CABYR: variants seen among roughly 807,000 people sequenced by gnomAD.
The protein encoded by CABYR is calcium-binding tyrosine phosphorylation-regulated protein.
Under a neutral mutation model 36.1 loss-of-function variants are expected in CABYR, and 31 were observed. The observed-to-expected ratio is 0.86, with a 90% CI of 0.64 to 1.16. The LOEUF (loss-of-function observed/expected upper bound fraction) is 1.16, where lower values mean the gene tolerates loss of function less well. Ranked by LOEUF, CABYR falls within the 50% of genes most tolerant of loss-of-function variation. The probability of loss-of-function intolerance (pLI) is 0.00; values close to 1 mark genes in which losing one functional copy is unlikely to be tolerated. For synonymous variants in CABYR, 146 were observed against 160.7 expected (o/e 0.91, Z 0.69); for missense variants, 429 against 455.8 (o/e 0.94, Z 0.53).
intron 3 of CABYR, among the ~76,000 whole-genome samples, chr18:24,149,530 G>T (rs1330004411): frequency 6.6e-6 from 1 of 152,234 alleles, no homozygotes; most frequent in Admixed American, 6.5e-5. Flanking sequence ...GGAGCTGCCT[G>T]CCAGTCCTGG....
chr18:24,150,760 GTTT>G (rs1025981705), intron 3 of CABYR: 1 of 114,534 alleles, frequency 8.7e-6, no homozygotes, highest in African/African-American at 4.2e-5. Context: ...CCCACCTCCA[GTTT>G]TTTTGTTTTT....
In CABYR at chr18:24,160,193, C is replaced by CT. The variant is rs933530073; in HGVS notation, c.1139+125dup. 4.1e-5 allele frequency: 30 copies of CT among 728,084 alleles called. No homozygotes were observed. In the African/African-American group the frequency reaches 5.3e-4, roughly 13 times the overall value. The allele number at this position is 728,084 out of a possible 1,614,324, so 45.1% of individuals were successfully genotyped here. A position where few individuals can be genotyped will look rare whatever the true frequency, so the allele number is the denominator to read the frequency against. On this transcript the variant is annotated intron_variant, in intron 5 of 5. Coordinates refer to ENST00000399496, the MANE Select transcript of CABYR (RefSeq NM_153769.3). Reference sequence around the variant, plus strand: ...TTGAGATAATAAGTTGGGGTATACTCTAACTTCCTGGGGTTACTGTCTCCA... The same window carrying CT: ...TTGAGATAATAAGTTGGGGTATACTCTTAACTTCCTGGGGTTACTGTCTCCA...
intron 3 of CABYR, among the ~76,000 whole-genome samples, chr18:24,153,851 T>C (rs1243149501): frequency 1.3e-5 from 2 of 152,152 alleles, no homozygotes; most frequent in East Asian, 3.9e-4. Context: ...ACCCCTGTAA[T>C]CCCAGCACTT....
chr18:24,148,059 T>A (rs1328466977), intron 3 of CABYR, among the ~76,000 whole-genome samples: 1 of 152,190 alleles, frequency 6.6e-6, no homozygotes. Flanking sequence ...GAGGAGAAAG[T>A]GGTGGCAGTG....
chr18:24,144,380 G>A (rs78287137), intron 3 of CABYR, among the ~76,000 whole-genome samples: 4,195 of 152,298 alleles, frequency 0.028, 146 homozygotes, highest in African/African-American at 0.087. Flanking sequence ...TAAAAGGAAG[G>A]AGATCTGCCA....
At chr18:24,157,254 T>C (rs2085815016) in intron 4 of CABYR, among the ~76,000 whole-genome samples, 3 of 152,226 alleles carry the variant, frequency 2.0e-5, no homozygotes, top group South Asian at 4.1e-4. Context: ...CTTTTGGACA[T>C]ATTATGTAGT....
At chr18:24,150,925 G>A (rs1357388229) in intron 3 of CABYR, among the ~76,000 whole-genome samples, 1 of 151,798 alleles carries the variant, frequency 6.6e-6, no homozygotes, top group African/African-American at 2.4e-5. Flanking sequence ...GACTACAGGC[G>A]CCCGCCACCA....
chr18:24,150,768 G>GT (rs145208159), intron 3 of CABYR: 62 of 123,118 alleles, frequency 5.0e-4, no homozygotes, highest in Middle Eastern at 5.2e-3. Flanking sequence ...CAGTTTTTTT[G>GT]TTTTTTTGTT....
intron 1 of CABYR, 127 bp from the exon 2 acceptor site, chr18:24,142,964 C>T (rs565941893): frequency 3.2e-5 from 17 of 528,682 alleles, no homozygotes; most frequent in Admixed American, 8.4e-5. Context: ...ACCTGGGAGG[C>T]GGAGGTTGCA....
At chr18:24,149,113 A>G (rs991288216) in intron 3 of CABYR, among the ~76,000 whole-genome samples, 1 of 151,930 alleles carries the variant, frequency 6.6e-6, no homozygotes, top group Non-Finnish European at 1.5e-5. Context: ...ATAGATACAG[A>G]GTGTGGACAC....
rs1402450037 is a variant in CABYR, at chr18:24,159,744, G to A, written c.814G>A (p.Gly272Arg). 3 of 1,613,814 alleles carry A rather than the reference G, an allele frequency of 1.9e-6. No individual in the cohort carries two copies. The highest frequency in any genetic ancestry group is 1.1e-5 in the South Asian group (1 of 91,068). ...AGGCTCAAATGTTCAGGAAGCACAG[G>A]GATGGAAACCTCTTCCTGGACATGC... ...LVGSNVQEAQ[G>R]WKPLPGHAVV... is the part of the protein sequence containing the mutation. The change falls in exon 5 of 6, where the codon GGA becomes AGA. Residue 272 changes from glycine (G) to arginine (R), a missense_variant. By Grantham distance (125) the Gly-to-Arg change is moderately radical. Transcript: ENST00000399496.
At position 24,160,075 on chromosome 18, in the gene CABYR, T is replaced by C. The variant is rs1409552652; in HGVS notation, c.1139+6T>C. 6.4e-7 allele frequency: 1 copy of C among 1,569,402 alleles called. No homozygotes were observed. Among genetic ancestry groups the C allele is most frequent in the South Asian group, 1.1e-5 (1 of 88,420 alleles). ...AAAGCAGAAACTGAAAACTGGTAGG[T>C]ACACTTTCCTACCATAATATTTAGG... On this transcript the variant is annotated splice_donor_region_variant and intron_variant, in intron 5 of 5. Transcript: ENST00000399496.
chr18:24,158,340 C>A lies in CABYR; in HGVS notation c.542-1132C>A. Among the ~76,000 whole-genome samples, 3 of 145,824 alleles carry A rather than the reference C, an allele frequency of 2.1e-5. No homozygotes were observed. In the Middle Eastern group the frequency reaches 0.011, roughly 517 times the overall value. On this transcript the variant is annotated intron_variant, in intron 4 of 5. Transcript: ENST00000399496. ...TATTTCTTTTTTTTTTTTTTTGAGA[C>A]GGAGTTTTGCTCTTGTTGCCCAGGC...
At chr18:24,160,385 T>G in intron 5 of CABYR, 1 of 287,806 alleles carries the variant, frequency 3.5e-6, no homozygotes, top group South Asian at 6.0e-5. Flanking sequence ...AGGGGATGGA[T>G]TTTTAAAACA....
intron 1 of CABYR, among the ~76,000 whole-genome samples, chr18:24,141,562 C>T (rs1441911115): frequency 1.3e-5 from 2 of 152,096 alleles, no homozygotes; most frequent in African/African-American, 4.8e-5. Context: ...GCTTAGGGGC[C>T]GATTTGATGC....
At chr18:24,143,986 C>A (rs546729364) in intron 3 of CABYR, among the ~76,000 whole-genome samples, 258 of 152,168 alleles carry the variant, frequency 1.7e-3, no homozygotes, top group Non-Finnish European at 2.6e-3. Flanking sequence ...CAACCTCTGC[C>A]TCCCGGGTTC....
At chr18:24,156,424 A>T (rs762207878) in intron 4 of CABYR, 2 of 1,614,194 alleles carry the variant, frequency 1.2e-6, no homozygotes. Context: ...GGAGTTGTTT[A>T]TATCGAGCAA....
chr18:24,159,160 G>A lies in CABYR; in HGVS notation c.542-312G>A, dbSNP rs142750230. ...GCTAAAGGTTGTGTTGACCAGTTTCGTCTGCGAGGAGCCTATAGAAGCCAC... is the reference window on the plus strand; with the variant it reads ...GCTAAAGGTTGTGTTGACCAGTTTCATCTGCGAGGAGCCTATAGAAGCCAC... On this transcript the variant is annotated intron_variant, in intron 4 of 5. Transcript: ENST00000399496. 1.1e-4 allele frequency among the ~76,000 whole-genome samples: 16 copies of A among 152,234 alleles called. 1 individual carries two copies. The highest frequency in any genetic ancestry group is 6.8e-3 in the Middle Eastern group (2 of 294).
At position 24,159,861 on chromosome 18, in the gene CABYR, A is replaced by G. The variant is rs1167211966; in HGVS notation, c.931A>G (p.Ser311Gly). ...ADEKYQKHTLSPQNANPPSGQ... is the reference protein window; with the variant it reads ...ADEKYQKHTLGPQNANPPSGQ... The stretch of plus-strand genomic sequence containing the variant: ...TGAGAAATACCAGAAACATACCCTA[A>G]GTCCCCAGAATGCTAATCCTCCAAG... Residue 311 changes from serine (S) to glycine (G), a missense_variant, in exon 5 of 6, where the codon AGT becomes GGT. Physicochemically the swap from Ser to Gly is moderately conservative, Grantham distance 56. Coordinates refer to ENST00000399496, the MANE Select transcript of CABYR (RefSeq NM_153769.3). The G allele has an allele frequency of 1.1e-5, 18 of 1,614,062 alleles. No individual in the cohort carries two copies. The highest frequency in any genetic ancestry group is 1.4e-5 in the Non-Finnish European group (17 of 1,180,050).
Sources: gnomAD v4.1 joint callset for allele counts (sites outside exome capture counted in the v4.1 genomes callset) on GRCh38, gnomAD v4.1.1 for gene constraint, MANE v1.5 for transcripts, NCBI Gene and HGNC (gene_info 2026-07-23, HGNC 2026-07-21) for gene names.